LRRC56: variants seen among roughly 807,000 people sequenced by gnomAD.
The protein encoded by LRRC56 is leucine rich repeat containing 56.
LRRC56 carries 41 observed loss-of-function variants against 47.8 expected under a neutral mutation model. The ratio of observed to expected loss-of-function variants is 0.86; its 90% CI spans 0.67 to 1.11. The LOEUF (loss-of-function observed/expected upper bound fraction) is 1.11. Ranked by LOEUF, LRRC56 falls within the 50% of genes most tolerant of loss-of-function variation. The pLI, the probability that LRRC56 is intolerant of heterozygous loss-of-function variation, is 0.00. For synonymous variants in LRRC56, 387 were observed against 311.2 expected, an observed-to-expected ratio of 1.24 and a Z score of -2.56; for missense variants, 759 against 704.2, an observed-to-expected ratio of 1.08 and a Z score of -0.88.
chr11:511,297 G>A, the LRRC56 span, among the ~76,000 whole-genome samples: 10 of 151,004 alleles, frequency 6.6e-5, no homozygotes, highest in East Asian at 1.9e-3. Flanking sequence ...CTCCAGCCTG[G>A]GCGACAGAGC....
rs763438057 is a variant in LRRC56, at chr11:544,795, G to T, written c.326+15G>T. On this transcript the variant is annotated intron_variant, in intron 6 of 13. Coordinates refer to ENST00000270115, the MANE Select transcript of LRRC56 (RefSeq NM_198075.4). ...GGCTCCCTGAGGTGAGCGCCTGAGG[G>T]GGGTGGGCTGGGGCCCTGCCATGAG... 10 of 1,611,132 alleles carry T rather than the reference G, an allele frequency of 6.2e-6. No individual in the cohort carries two copies. The highest frequency in any genetic ancestry group is 5.3e-5 in the African/African-American group (4 of 74,818).
chr11:534,324 G>A (rs757657838), upstream of LRRC56: 3 of 1,610,154 alleles, frequency 1.9e-6, no homozygotes, highest in Non-Finnish European at 2.5e-6. Context: ...TTCCGTCATC[G>A]CTCCTCAGGG....
chr11:542,580 C>CAAAAAAAAAAAAAAAAAAAA lies in LRRC56; in HGVS notation c.265+961_265+980dup, dbSNP rs71022928. Among the ~76,000 whole-genome samples the CAAAAAAAAAAAAAAAAAAAA allele has an allele frequency of 6.5e-4, 17 of 25,992 alleles. 1 individual carries two copies. The highest frequency in any genetic ancestry group is 1.1e-3 in the African/African-American group (5 of 4,658). 17.1% of individuals were successfully genotyped at this position (25,992 alleles called of 152,430 possible). A position where few individuals can be genotyped will look rare whatever the true frequency, so the allele number is the denominator to read the frequency against. ...TGGGCGACAGAGCAAAACCCTGTCGCAAAAAAAAAAAAAAAAAAAAAAAAC... is the reference window on the plus strand; with the variant it reads ...TGGGCGACAGAGCAAAACCCTGTCGCAAAAAAAAAAAAAAAAAAAAAAAAAAAAAAAAAAAAAAAAAAAAC... On this transcript the variant is annotated intron_variant, in intron 5 of 13. Transcript: ENST00000270115.
chr11:549,856 G>A (rs1285157301), intron 6 of LRRC56, 46 bp from the exon 7 acceptor site: 17 of 1,552,906 alleles, frequency 1.1e-5, no homozygotes, highest in Non-Finnish European at 1.5e-5. Context: ...TGGTGGCTGA[G>A]CACAGGGCTG....
upstream of LRRC56, chr11:533,734 G>C (rs757406884): frequency 6.2e-7 from 1 of 1,612,246 alleles, no homozygotes. Flanking sequence ...CCTGTGCGGC[G>C]TGGGCTCCCG....
the LRRC56 span, among the ~76,000 whole-genome samples, chr11:518,128 A>T: frequency 6.6e-6 from 1 of 152,126 alleles, no homozygotes; most frequent in South Asian, 2.1e-4. Context: ...ACCCTGCCAC[A>T]TCCCCCTCTC....
At chr11:512,048 A>C in the LRRC56 span, among the ~76,000 whole-genome samples, 1 of 149,588 alleles carries the variant, frequency 6.7e-6, no homozygotes, top group Admixed American at 6.7e-5. Flanking sequence ...GCCTCAAGTG[A>C]TTCTTCCGCC....
At position 550,159 on chromosome 11, in the gene LRRC56, A is replaced by G. The variant is rs774212014; in HGVS notation, c.511A>G (p.Ser171Gly). The G allele has an allele frequency of 4.3e-6, 7 of 1,613,348 alleles. No individual in the cohort carries two copies. Among genetic ancestry groups the G allele is most frequent in the East Asian group, 2.2e-5 (1 of 44,878 alleles). The change falls in exon 8 of 14, where the codon AGC becomes GGC. Residue 171 changes from serine (S) to glycine (G), a missense_variant. Coordinates refer to ENST00000270115, the MANE Select transcript of LRRC56 (RefSeq NM_198075.4). ...QLEVLDLEGN[S>G]VEDLGQVRYL... ...GGAGGTGCTGGACCTGGAGGGCAAC[A>G]GCGTGGAGGACCTGGGGCAGGTGCG... is the stretch of plus-strand genomic sequence containing the variant.
At chr11:513,200 G>A in the LRRC56 span, among the ~76,000 whole-genome samples, 2 of 152,328 alleles carry the variant, frequency 1.3e-5, no homozygotes, top group South Asian at 4.1e-4. Context: ...ATATCACGCA[G>A]GCTGGAGCGC....
the LRRC56 span, among the ~76,000 whole-genome samples, chr11:512,353 C>A: frequency 1.3e-5 from 2 of 152,256 alleles, no homozygotes; most frequent in Non-Finnish European, 2.9e-5. Flanking sequence ...TCCGCCTCGG[C>A]CTCCTGAGTA....
At chr11:533,846 C>T (rs1371974169), upstream of LRRC56, 3 of 1,613,276 alleles carry the variant, frequency 1.9e-6, no homozygotes, top group African/African-American at 4.0e-5. Flanking sequence ...TGCGCATGTA[C>T]TGGTCCCGCA....
At chr11:523,952 AAAG>A in the LRRC56 span, among the ~76,000 whole-genome samples, 1 of 152,164 alleles carries the variant, frequency 6.6e-6, no homozygotes, top group Admixed American at 6.6e-5. Context: ...AACAAAATAA[AAAG>A]AAAACTACAA....
chr11:525,086 C>T, the LRRC56 span, among the ~76,000 whole-genome samples: 1 of 136,154 alleles, frequency 7.3e-6, no homozygotes, highest in Non-Finnish European at 1.5e-5. Flanking sequence ...CAAAGCAAGA[C>T]TCCGTCTCAA....
At chr11:514,135 G>A in the LRRC56 span, among the ~76,000 whole-genome samples, 1 of 152,026 alleles carries the variant, frequency 6.6e-6, no homozygotes, top group South Asian at 2.1e-4. Flanking sequence ...GGGACTACAA[G>A]CACGCACCAC....
the LRRC56 span, chr11:532,367 G>C: frequency 3.5e-6 from 2 of 572,728 alleles, no homozygotes; most frequent in Non-Finnish European, 6.3e-6. Flanking sequence ...TCTGTGCACA[G>C]CCTCCCTGGG....
At chr11:522,692 C>T in the LRRC56 span, among the ~76,000 whole-genome samples, 1 of 152,190 alleles carries the variant, frequency 6.6e-6, no homozygotes, top group East Asian at 1.9e-4. Context: ...GGCCACCTCA[C>T]CTGCCCTTTT....
chr11:544,709 T>G lies in LRRC56; in HGVS notation c.266-11T>G, dbSNP rs769730973. On this transcript the variant is annotated splice_polypyrimidine_tract_variant and intron_variant, in intron 5 of 13. Transcript: ENST00000270115. ...GGGCCGGGCCAACCTCCTCCTCCTG[T>G]GGCCATACAGGGGTGCACCTGCCCA... is the stretch of plus-strand genomic sequence containing the variant. 9.9e-6 allele frequency: 16 copies of G among 1,612,296 alleles called. No individual in the cohort carries two copies. Among genetic ancestry groups the G allele is most frequent in the Non-Finnish European group, 1.3e-5 (15 of 1,179,834 alleles).
chr11:551,791 C>G lies in LRRC56; in HGVS notation c.937C>G (p.Leu313Val). The G allele has an allele frequency of 6.2e-7, 1 of 1,609,398 alleles. No homozygotes were observed. Residue 313 changes from leucine (L) to valine (V), a missense_variant, in exon 10 of 14, where the codon CTG (leucine) becomes GTG (valine). Physicochemically the swap from Leu to Val is conservative, Grantham distance 32. Coordinates refer to ENST00000270115, the MANE Select transcript of LRRC56 (RefSeq NM_198075.4). ...GCCTGAAGGCCTGCTTTCTGAGGAC[C>G]TGGCCCCAGAAGATAACACCAGCAG... ...PLPEGLLSED[L>V]APEDNTSSLT...
chr11:546,546 C>G (rs535719099), intron 6 of LRRC56, among the ~76,000 whole-genome samples: 1 of 149,522 alleles, frequency 6.7e-6, no homozygotes, highest in South Asian at 2.1e-4. Flanking sequence ...CCAGCCTGGG[C>G]GACTGAGTGA....
Sources: allele counts gnomAD v4.1 joint callset (sites outside exome capture counted in the v4.1 genomes callset), GRCh38; gene constraint gnomAD v4.1.1; transcripts MANE v1.5; gene names NCBI Gene and HGNC (gene_info 2026-07-23, HGNC 2026-07-21).